Variants in HSPA1L observed in about 807,000 individuals in gnomAD.
HSPA1L encodes heat shock 70 kDa protein 1-like.
A neutral mutation model predicts 31.5 loss-of-function variants in HSPA1L; 21 were observed. The observed-to-expected ratio is 0.67, with a 90% CI of 0.47 to 0.96. The LOEUF is 0.96. Among genes scored for constraint, HSPA1L ranks in the 40% least tolerant of loss-of-function variants. The probability of loss-of-function intolerance (pLI) is 0.00; values close to 1 mark genes in which losing one functional copy is unlikely to be tolerated. For missense variants in HSPA1L, 709 were observed against 813.4 expected (o/e 0.87, Z 1.56); for synonymous variants, 293 against 323.1 (o/e 0.91, Z 1.00).
At position 31,810,003 on chromosome 6, in the gene HSPA1L, A is replaced by T; in HGVS notation, c.*44T>A. The stretch of plus-strand genomic sequence containing the variant: ...TGATGTTTGAAGATGAGGGGAATGA[A>T]ATACATGTAGAGGCATCCTAGGATG... On this transcript the variant is annotated 3_prime_UTR_variant, in exon 2 of 2. Coordinates refer to ENST00000375654, the MANE Select transcript of HSPA1L (RefSeq NM_005527.4). 7.5e-7 allele frequency: 1 copy of T among 1,333,360 alleles called. No homozygotes were observed. The highest frequency in any genetic ancestry group is 9.7e-7 in the Non-Finnish European group (1 of 1,026,780). The allele number at this position is 1,333,360 out of a possible 1,614,324, so 82.6% of individuals were successfully genotyped here.
chr6:31,813,690 A>G (rs938326096), intron 1 of HSPA1L, among the ~76,000 whole-genome samples: 1 of 152,210 alleles, frequency 6.6e-6, no homozygotes, highest in Non-Finnish European at 1.5e-5. Flanking sequence ...AAGCCTATAC[A>G]AATACATGGA....
Position 31,809,863 on chromosome 6 carries a change from CCA to C in HSPA1L, c.*182_*183del. Reference sequence around the variant, plus strand: ...AAAGAGGGGCCTAGTTTTCCTGAGTCCATTCCAAAGTCAGAAACAGGATGTGA... The same window carrying C: ...AAAGAGGGGCCTAGTTTTCCTGAGTCTTCCAAAGTCAGAAACAGGATGTGA... On this transcript the variant is annotated 3_prime_UTR_variant, in exon 2 of 2. Coordinates refer to ENST00000375654, the MANE Select transcript of HSPA1L (RefSeq NM_005527.4). 1 of 435,612 alleles carries C rather than the reference CCA, an allele frequency of 2.3e-6. No homozygotes were observed. The highest frequency in any genetic ancestry group is 3.9e-6 in the Non-Finnish European group (1 of 254,534). The allele number at this position is 435,612 out of a possible 1,614,324, so 27.0% of individuals were successfully genotyped here. A position where few individuals can be genotyped will look rare whatever the true frequency, so the allele number is the denominator to read the frequency against.
Position 31,810,169 on chromosome 6 carries a change from C to T in HSPA1L, c.1804G>A (p.Glu602Lys), listed in dbSNP as rs2075800. The change falls in exon 2 of 2, where the codon GAG becomes AAG. Residue 602 changes from glutamate to lysine, a missense_variant. Physicochemically the swap from Glu to Lys is moderately conservative, Grantham distance 56. Transcript: ENST00000375654. ...GTGATGATAGGGTTACACATCTGCT[C>T]CAATTCCTTTCTCTTATGATCAAAC... Reference protein sequence around the residue: ...DEFDHKRKELEQMCNPIITKL... With the variant: ...DEFDHKRKELKQMCNPIITKL... 475,049 of 1,526,028 alleles carry T rather than the reference C, an allele frequency of 0.31. 78,497 individuals carry two copies. Among genetic ancestry groups the T allele is most frequent in the East Asian group, 0.44 (19,277 of 43,954 alleles). The allele number at this position is 1,526,028 out of a possible 1,614,324, so 94.5% of individuals were successfully genotyped here.
At chr6:31,812,018 G>A (rs1160167084) in intron 1 of HSPA1L, 33 bp from the exon 2 acceptor site, 1 of 1,591,508 alleles carries the variant, frequency 6.3e-7, no homozygotes, top group East Asian at 2.2e-5. Flanking sequence ...TGTTTTGGGA[G>A]AGTGCTTTTC....
Position 31,811,834 on chromosome 6 carries a change from T to C in HSPA1L, c.139A>G (p.Thr47Ala). Residue 47 changes from threonine to alanine, a missense_variant, in exon 2 of 2, where the codon ACA (threonine) becomes GCA (alanine). Coordinates refer to ENST00000375654, the MANE Select transcript of HSPA1L (RefSeq NM_005527.4). ...TCCCCAATGAGCCGCTCGGTGTCTGTGAAGGCCACGTAGCTGGGGGTGGTG... is the reference window on the plus strand; with the variant it reads ...TCCCCAATGAGCCGCTCGGTGTCTGCGAAGGCCACGTAGCTGGGGGTGGTG... ...NRTTPSYVAF[T>A]DTERLIGDAA... 1.1e-5 allele frequency: 17 copies of C among 1,614,152 alleles called. No homozygotes were observed. Among genetic ancestry groups the C allele is most frequent in the Non-Finnish European group, 1.4e-5 (17 of 1,180,022 alleles).
At position 31,814,044 on chromosome 6, in the gene HSPA1L, G is replaced by C. The variant is rs960222451; in HGVS notation, c.-14+845C>G. On this transcript the variant is annotated intron_variant, in intron 1 of 1. Coordinates refer to ENST00000375654, the MANE Select transcript of HSPA1L (RefSeq NM_005527.4). ...CCTTCCAGTTTTCTCAAACGACATG[G>C]CACTCCAGACAGTATCTGTATCCTT... 1.7e-4 allele frequency among the ~76,000 whole-genome samples: 26 copies of C among 152,130 alleles called. 1 individual carries two copies. Among genetic ancestry groups the C allele is most frequent in the African/African-American group, 6.3e-4 (26 of 41,388 alleles).
rs750999553 is a variant in HSPA1L at position 31,811,550 on chromosome 6, G to A, written c.423C>T (p.Val141=). The A allele has an allele frequency of 1.2e-6, 2 of 1,614,172 alleles. No individual in the cohort carries two copies. The highest frequency in any genetic ancestry group is 1.7e-6 in the Non-Finnish European group (2 of 1,180,038). The change falls in exon 2 of 2, where the codon GTC becomes GTT. Residue 141 remains valine (V), a synonymous_variant. Transcript: ENST00000375654. ...ETAEAFLGHP[V]TNAVITVPAY... ...CTGGCACGGTAATCACTGCATTGGT[G>A]ACAGGGTGGCCCAAAAAGGCCTCAG...
At chr6:31,813,905 G>C (rs935854293) in intron 1 of HSPA1L, among the ~76,000 whole-genome samples, 1 of 152,182 alleles carries the variant, frequency 6.6e-6, no homozygotes, top group Non-Finnish European at 1.5e-5. Flanking sequence ...CTCTTCAAGA[G>C]ACATCAGCCT....
chr6:31,812,076 T>C lies in HSPA1L; in HGVS notation c.-13-91A>G, dbSNP rs1195204376. The stretch of plus-strand genomic sequence containing the variant: ...CAGGGTCTTCCTCTGTCACCCAGGT[T>C]GGAGTGCAGAGGCGCAGTCATAGCT... On this transcript the variant is annotated intron_variant, in intron 1 of 1. Coordinates refer to ENST00000375654, the MANE Select transcript of HSPA1L (RefSeq NM_005527.4). The C allele has an allele frequency of 3.4e-6, 5 of 1,467,832 alleles. No homozygotes were observed. The Admixed American group carries it at 9.5e-5, about 28-fold the overall frequency. The allele number at this position is 1,467,832 out of a possible 1,614,324, so 90.9% of individuals were successfully genotyped here. A position where few individuals can be genotyped will look rare whatever the true frequency, so the allele number is the denominator to read the frequency against.
rs775580678 is a variant in HSPA1L at position 31,811,176 on chromosome 6, C to A, written c.797G>T (p.Arg266Leu). 6.2e-7 allele frequency: 1 copy of A among 1,614,060 alleles called. No homozygotes were observed. Among genetic ancestry groups the A allele is most frequent in the African/African-American group, 1.3e-5 (1 of 74,920 alleles). The change falls in exon 2 of 2, where the codon CGC (arginine) becomes CTC (leucine). Residue 266 changes from arginine (R) to leucine (L), a missense_variant. Physicochemically the swap from Arg to Leu is moderately radical, Grantham distance 102 (BLOSUM62 -2). Coordinates refer to ENST00000375654, the MANE Select transcript of HSPA1L (RefSeq NM_005527.4). Reference protein sequence around the residue: ...SQNKRAVRRLRTACERAKRTL... With the variant: ...SQNKRAVRRLLTACERAKRTL... ...CCTCTTGGCCCTCTCGCAGGCGGTG[C>A]GCAGCCGCCTCACGGCTCGCTTGTT...
intron 1 of HSPA1L, 68 bp from the exon 2 acceptor site, chr6:31,812,053 G>A (rs149831348): frequency 2.0e-6 from 3 of 1,510,642 alleles, no homozygotes; most frequent in African/African-American, 1.4e-5. Flanking sequence ...TTTTGAGACA[G>A]GGTCTTCCTC....
rs1370561662 is a variant in HSPA1L at position 31,811,341 on chromosome 6, A to G, written c.632T>C (p.Ile211Thr). The G allele has an allele frequency of 6.2e-7, 1 of 1,614,204 alleles. No individual in the cohort carries two copies. The highest frequency in any genetic ancestry group is 8.5e-7 in the Non-Finnish European group (1 of 1,180,042). ...AAAAATCCCATCATCTATGGTCAGA[A>G]TTGACACATCAAATGTGCCTCCACC... is the stretch of plus-strand genomic sequence containing the variant. ...DLGGGTFDVSILTIDDGIFEV... is the reference protein window; with the variant it reads ...DLGGGTFDVSTLTIDDGIFEV... The change falls in exon 2 of 2, where the codon ATT becomes ACT. Residue 211 changes from isoleucine (I) to threonine (T), a missense_variant. By Grantham distance (89) the Ile-to-Thr change is moderately conservative (BLOSUM62 -1). Coordinates refer to ENST00000375654, the MANE Select transcript of HSPA1L (RefSeq NM_005527.4).
In HSPA1L at chr6:31,810,540, A is replaced by T; in HGVS notation, c.1433T>A (p.Val478Glu). The change falls in exon 2 of 2, where the codon GTG becomes GAG. Residue 478 changes from valine to glutamate, a missense_variant. Physicochemically the swap from Val to Glu is moderately radical, Grantham distance 121 (BLOSUM62 -2). Coordinates refer to ENST00000375654, the MANE Select transcript of HSPA1L (RefSeq NM_005527.4). ...PAPRGVPQIE[V>E]TFDIDANGIL... The stretch of plus-strand genomic sequence containing the variant: ...ACCATTGGCATCAATGTCAAACGTC[A>T]CCTCGATCTGAGGAACTCCCCTGGG... 1 of 1,613,162 alleles carries T rather than the reference A, an allele frequency of 6.2e-7. No individual in the cohort carries two copies. Among genetic ancestry groups the T allele is most frequent in the Non-Finnish European group, 8.5e-7 (1 of 1,179,544 alleles).
chr6:31,811,695 G>C lies in HSPA1L; in HGVS notation c.278C>G (p.Pro93Arg). The change falls in exon 2 of 2, where the codon CCT becomes CGT. Residue 93 changes from proline (P) to arginine (R), a missense_variant. Coordinates refer to ENST00000375654, the MANE Select transcript of HSPA1L (RefSeq NM_005527.4). ...PVVQADMKLW[P>R]FQVINEGGKP... is the part of the protein sequence containing the mutation. ...GCCTCCTTCATTAATCACTTGAAAA[G>C]GCCAAAGTTTCATATCTGCTTGTAC... is the stretch of plus-strand genomic sequence containing the variant. 1 of 1,614,178 alleles carries C rather than the reference G, an allele frequency of 6.2e-7. No individual in the cohort carries two copies.
rs745816477 is a variant in HSPA1L, at chr6:31,810,412, C to T, written c.1561G>A (p.Val521Ile). The change falls in exon 2 of 2, where the codon GTT becomes ATT. Residue 521 changes from valine to isoleucine, a missense_variant. Transcript: ENST00000375654. ...RLSKEEIERM[V>I]LDAEKYKAED... ...GCTTTATATTTCTCAGCATCCAGAA[C>T]CATGCGCTCAATCTCCTCCTTGCTC... 1.2e-6 allele frequency: 2 copies of T among 1,613,722 alleles called. No homozygotes were observed. The highest frequency in any genetic ancestry group is 1.1e-5 in the South Asian group (1 of 91,068).
Position 31,810,749 on chromosome 6 carries a change from A to G in HSPA1L, c.1224T>C (p.Ala408=), listed in dbSNP as rs1361996855. The G allele has an allele frequency of 6.2e-7, 1 of 1,614,070 alleles. No homozygotes were observed. Among genetic ancestry groups the G allele is most frequent in the South Asian group, 1.1e-5 (1 of 91,072 alleles). Residue 408 remains alanine (A), a synonymous_variant, in exon 2 of 2, where the codon GCT becomes GCC. Coordinates refer to ENST00000375654, the MANE Select transcript of HSPA1L (RefSeq NM_005527.4). The stretch of plus-strand genomic sequence containing the variant: ...TTATCAGGGCAGTCATCACGCCCCC[A>G]GCCGTCTCCAGCCCCAGGGACAGGG... ...VAPLSLGLET[A]GGVMTALIKR... is the part of the protein sequence containing the mutation.
intron 1 of HSPA1L, 103 bp from the exon 2 acceptor site, chr6:31,812,088 G>T (rs1815467156): frequency 1.4e-6 from 2 of 1,400,562 alleles, no homozygotes; most frequent in Admixed American, 2.5e-5. Flanking sequence ...GAGTGCAGAG[G>T]CGCAGTCATA....
At chr6:31,813,515 G>A (rs1815585270) in intron 1 of HSPA1L, among the ~76,000 whole-genome samples, 1 of 152,140 alleles carries the variant, frequency 6.6e-6, no homozygotes, top group Non-Finnish European at 1.5e-5. Context: ...ATGTTGACCA[G>A]GATGGTCTCA....
In HSPA1L at chr6:31,811,196, C is replaced by T. The variant is rs1238598696; in HGVS notation, c.777G>A (p.Lys259=). The change falls in exon 2 of 2, where the codon AAG becomes AAA. Residue 259 remains lysine (K), a synonymous_variant. Coordinates refer to ENST00000375654, the MANE Select transcript of HSPA1L (RefSeq NM_005527.4). ...CGGTGCGCAGCCGCCTCACGGCTCGCTTGTTCTGGCTGATGTCCTTTTTGT... is the reference window on the plus strand; with the variant it reads ...CGGTGCGCAGCCGCCTCACGGCTCGTTTGTTCTGGCTGATGTCCTTTTTGT... ...RKHKKDISQN[K]RAVRRLRTAC... 6.2e-7 allele frequency: 1 copy of T among 1,614,218 alleles called. No individual in the cohort carries two copies. Among genetic ancestry groups the T allele is most frequent in the Admixed American group, 1.7e-5 (1 of 60,022 alleles).
Sources: allele counts gnomAD v4.1 joint callset (sites outside exome capture counted in the v4.1 genomes callset), GRCh38; gene constraint gnomAD v4.1.1; transcripts MANE v1.5; gene names NCBI Gene and HGNC (gene_info 2026-07-23, HGNC 2026-07-21).